The following ABHD12 variants were observed in gnomAD, a reference collection of about 807,000 sequenced individuals.
ABHD12 encodes abhydrolase domain containing 12, lysophospholipase.
ABHD12 carries 43 observed loss-of-function variants against 58.3 expected under a neutral mutation model. The ratio of observed to expected loss-of-function variants is 0.74; its 90% CI spans 0.58 to 0.95. The LOEUF (loss-of-function observed/expected upper bound fraction) is 0.95. Ranked by LOEUF, ABHD12 falls within the 40% of genes least tolerant of loss-of-function variation. The pLI is 0.00. For synonymous variants in ABHD12, 219 were observed against 211.2 expected, an observed-to-expected ratio of 1.04 and a Z score of -0.32; for missense variants, 539 against 537.2, an observed-to-expected ratio of 1.00 and a Z score of -0.03.
rs1328471405 is a variant in ABHD12, at chr20:25,308,013, G to C, written c.820C>G (p.Pro274Ala). 1 of 1,609,858 alleles carries C rather than the reference G, an allele frequency of 6.2e-7. No individual in the cohort carries two copies. The highest frequency in any genetic ancestry group is 8.5e-7 in the Non-Finnish European group (1 of 1,176,100). The change falls in exon 9 of 13, where the codon CCA becomes GCA. Residue 274 changes from proline (P) to alanine (A), a missense_variant. Pro to Ala is a conservative substitution (Grantham distance 27). Transcript: ENST00000339157. Reference sequence around the variant, plus strand: ...GCTTCTTCGCGGATATTAGTGAATGGAGATTCCAATATAAGGGCATCTGGA... The same window carrying C: ...GCTTCTTCGCGGATATTAGTGAATGCAGATTCCAATATAAGGGCATCTGGA... ...TPPDALILES[P>A]FTNIREEAKS...
chr20:25,331,649 T>G (rs2089278774), intron 2 of ABHD12, among the ~76,000 whole-genome samples: 2 of 152,072 alleles, frequency 1.3e-5, no homozygotes, highest in Admixed American at 6.6e-5. Flanking sequence ...GGGGCCAATA[T>G]TCAACATTCT....
intron 1 of ABHD12, among the ~76,000 whole-genome samples, chr20:25,361,062 G>A (rs576966350): frequency 4.6e-5 from 7 of 152,296 alleles, no homozygotes; most frequent in Admixed American, 2.6e-4. Context: ...AGGCCAAGGT[G>A]AGCTTAGCAA....
At chr20:25,322,506 G>C (rs1410200237) in intron 3 of ABHD12, among the ~76,000 whole-genome samples, 2 of 146,618 alleles carry the variant, frequency 1.4e-5, no homozygotes, top group African/African-American at 5.0e-5. Flanking sequence ...CAAACTCCCG[G>C]GTAGCTGGGA....
At chr20:25,339,677 T>A in intron 1 of ABHD12, 1 of 1,383,012 alleles carries the variant, frequency 7.2e-7, no homozygotes, top group Non-Finnish European at 9.7e-7. Context: ...CCACCTGACA[T>A]CAGACCCCAG....
At chr20:25,384,922 A>C (rs1457096543) in intron 1 of ABHD12, among the ~76,000 whole-genome samples, 1 of 152,086 alleles carries the variant, frequency 6.6e-6, no homozygotes, top group East Asian at 1.9e-4. Flanking sequence ...CAGAACTAAA[A>C]AGAGATATTT....
downstream of ABHD12, among the ~76,000 whole-genome samples, chr20:25,295,276 T>C (rs1390885328): frequency 1.3e-5 from 2 of 152,260 alleles, no homozygotes; most frequent in Non-Finnish European, 2.9e-5. Context: ...CTCTCCACTG[T>C]CTGCCCAGGA....
chr20:25,332,232 G>A (rs201694544), intron 2 of ABHD12, among the ~76,000 whole-genome samples: 1 of 151,220 alleles, frequency 6.6e-6, no homozygotes, highest in Non-Finnish European at 1.5e-5. Flanking sequence ...ATGGTAAAGG[G>A]ATCAATTCAA....
chr20:25,324,245 T>C (rs1030397683), intron 2 of ABHD12, among the ~76,000 whole-genome samples: 1 of 152,122 alleles, frequency 6.6e-6, no homozygotes, highest in Non-Finnish European at 1.5e-5. Context: ...CCCCACTTTG[T>C]TATTGTAAAA....
chr20:25,306,830 C>T lies in ABHD12; in HGVS notation c.950+3G>A. 3.1e-5 allele frequency: 50 copies of T among 1,600,914 alleles called. 1 individual carries two copies. Among genetic ancestry groups the T allele is most frequent in the Non-Finnish European group, 4.3e-5 (50 of 1,168,534 alleles). On this transcript the variant is annotated splice_donor_region_variant and intron_variant, in intron 10 of 12. Transcript: ENST00000339157. Reference sequence around the variant, plus strand: ...AAATTAGTTCCTGTCCCATAATACTCACTTTTCATCATTTGCAAATTTAAT... The same window carrying T: ...AAATTAGTTCCTGTCCCATAATACTTACTTTTCATCATTTGCAAATTTAAT...
At chr20:25,334,658 G>A (rs1471881717) in intron 2 of ABHD12, among the ~76,000 whole-genome samples, 83 of 151,758 alleles carry the variant, frequency 5.5e-4, no homozygotes, top group African/African-American at 1.9e-3. Context: ...CCGCATATCT[G>A]CAACTATCTG....
At chr20:25,322,604 C>T (rs1447603089) in intron 3 of ABHD12, among the ~76,000 whole-genome samples, 3 of 151,026 alleles carry the variant, frequency 2.0e-5, no homozygotes, top group Non-Finnish European at 2.9e-5. Flanking sequence ...AGGGTGGTCT[C>T]GAACTCCTGA....
At chr20:25,321,321 G>A (rs1271558097) in intron 3 of ABHD12, among the ~76,000 whole-genome samples, 1 of 152,250 alleles carries the variant, frequency 6.6e-6, no homozygotes, top group African/African-American at 2.4e-5. Context: ...CCCATTCCTG[G>A]GCCTCTCCTC....
chr20:25,307,866 TAAC>T (rs1026382946), intron 9 of ABHD12, 97 bp downstream of exon 9: 23 of 506,416 alleles, frequency 4.5e-5, no homozygotes, highest in Middle Eastern at 6.4e-4. Flanking sequence ...AATATTTAAA[TAAC>T]AATTTTTAAT....
chr20:25,344,851 C>T (rs759178926), intron 1 of ABHD12, among the ~76,000 whole-genome samples: 1 of 152,106 alleles, frequency 6.6e-6, no homozygotes, highest in Non-Finnish European at 1.5e-5. Context: ...TAACTATAGT[C>T]GACTCATCTG....
chr20:25,371,952 G>A (rs4813562), intron 1 of ABHD12, among the ~76,000 whole-genome samples: 82,226 of 151,946 alleles, frequency 0.54, 22,826 homozygotes, highest in Admixed American at 0.61. Flanking sequence ...GCATGCTTTC[G>A]GGGCATACGT....
intron 3 of ABHD12, 110 bp from the exon 4 acceptor site, chr20:25,320,428 G>A: frequency 6.8e-7 from 1 of 1,463,502 alleles, no homozygotes; most frequent in Non-Finnish European, 9.4e-7. Flanking sequence ...GCAGGGAGCT[G>A]CAGACCCCAT....
At chr20:25,371,939 C>T (rs757271009) in intron 1 of ABHD12, among the ~76,000 whole-genome samples, 3 of 152,180 alleles carry the variant, frequency 2.0e-5, no homozygotes, top group Non-Finnish European at 4.4e-5. Context: ...TCACTTTCCT[C>T]AAGCATGCTT....
intron 1 of ABHD12, among the ~76,000 whole-genome samples, chr20:25,369,927 TAAAAAAAAAAAAAAA>T (rs3032443): frequency 1.1e-5 from 1 of 91,440 alleles, no homozygotes; most frequent in Non-Finnish European, 2.1e-5. Context: ...GTCTCTGTTA[TAAAAAAAAAAAAAAA>T]AAAAAAAGCC....
chr20:25,334,888 G>A (rs1370313400), intron 2 of ABHD12, among the ~76,000 whole-genome samples: 19 of 151,006 alleles, frequency 1.3e-4, no homozygotes, highest in Admixed American at 6.6e-4. Flanking sequence ...TCAGGACATA[G>A]GCATGGGCAA....
Sources: allele counts gnomAD v4.1 joint callset (sites outside exome capture counted in the v4.1 genomes callset), GRCh38; gene constraint gnomAD v4.1.1; transcripts MANE v1.5; gene names NCBI Gene and HGNC (gene_info 2026-07-23, HGNC 2026-07-21).